HIPK1: variants seen among roughly 807,000 people sequenced by gnomAD.
HIPK1 encodes the protein homeodomain-interacting protein kinase 1.
A neutral mutation model predicts 117.1 loss-of-function variants in HIPK1; 28 were observed. That is an observed-to-expected ratio of 0.24 (90% CI 0.18 to 0.33). HIPK1 has a LOEUF of 0.33. Ranked by LOEUF, HIPK1 falls within the 10% of genes least tolerant of loss-of-function variation. HIPK1 has a pLI of 1.00. For synonymous variants in HIPK1, 605 were observed against 562.5 expected (o/e 1.08, Z -1.07); for missense variants, 1,122 against 1,475.1 (o/e 0.76, Z 3.92).
chr1:113,972,203 AC>A (rs1672884049), intron 15 of HIPK1: 4 of 1,068,180 alleles, frequency 3.7e-6, no homozygotes, highest in Non-Finnish European at 5.2e-6. Context: ...GGTTAGAGAA[AC>A]GTCTGGGATT....
intron 2 of HIPK1, among the ~76,000 whole-genome samples, chr1:113,952,154 G>C (rs1303478435): frequency 6.6e-6 from 1 of 151,908 alleles, no homozygotes; most frequent in African/African-American, 2.4e-5. Context: ...GGCCAAGCTG[G>C]TCTTGAACTT....
chr1:113,941,153 GCTTTCA>G lies in HIPK1; in HGVS notation c.771_776del (p.Cys257_Gln259delinsTrp). 1 of 1,614,232 alleles carries G rather than the reference GCTTTCA, an allele frequency of 6.2e-7. No homozygotes were observed. Among genetic ancestry groups the G allele is most frequent in the Non-Finnish European group, 8.5e-7 (1 of 1,180,034 alleles). Reference sequence around the variant, plus strand: ...TATAATTTTGTCCGTTCATACGAGTGCTTTCAGCATAAGAATCACACCTGCCTTGTT... The same window carrying G: ...TATAATTTTGTCCGTTCATACGAGTGGCATAAGAATCACACCTGCCTTGTT... On this transcript the variant is annotated inframe_deletion, in exon 2 of 16. Transcript: ENST00000426820. The surrounding 1 kb of genome is among the most constrained non-coding windows in gnomAD (Gnocchi z 4.9).
chr1:113,938,718 G>C (rs192878822), intron 1 of HIPK1, among the ~76,000 whole-genome samples: 50 of 151,986 alleles, frequency 3.3e-4, no homozygotes, highest in Admixed American at 2.6e-3. Flanking sequence ...AGACCACCCA[G>C]GCAACATGGT....
chr1:113,956,104 T>TTG, intron 5 of HIPK1, among the ~76,000 whole-genome samples: 1 of 135,572 alleles, frequency 7.4e-6, no homozygotes, highest in African/African-American at 2.7e-5. Flanking sequence ...AGACAGAGTC[T>TTG]CACTCTATTG....
In HIPK1 at chr1:113,974,714, A is replaced by G. The variant is rs1309830053; in HGVS notation, c.*1202A>G. 6.6e-6 allele frequency: 1 copy of G among 152,622 alleles called. No individual in the cohort carries two copies. The highest frequency in any genetic ancestry group is 2.1e-4 in the South Asian group (1 of 4,836). 9.5% of individuals were successfully genotyped at this position (152,622 alleles called of 1,614,324 possible). A position where few individuals can be genotyped will look rare whatever the true frequency, so the allele number is the denominator to read the frequency against. On this transcript the variant is annotated 3_prime_UTR_variant, in exon 16 of 16. Coordinates refer to ENST00000426820, the MANE Select transcript of HIPK1 (RefSeq NM_198268.3). ...AAATATTTTAAAAATTTATTACTGA[A>G]TTTAAAAATATTTTAGAAGTTTTGT...
chr1:113,952,139 A>T (rs1671409607), intron 2 of HIPK1, among the ~76,000 whole-genome samples: 1 of 151,848 alleles, frequency 6.6e-6, no homozygotes, highest in Admixed American at 6.6e-5. Flanking sequence ...GGGTTTCACC[A>T]TATTGGCCAA....
At position 113,962,459 on chromosome 1, in the gene HIPK1, G is replaced by A. The variant is rs746944861; in HGVS notation, c.2103+21G>A. 1.9e-6 allele frequency: 3 copies of A among 1,610,916 alleles called. No homozygotes were observed. In the South Asian group the frequency reaches 3.3e-5, roughly 18 times the overall value. ...CGCAGGTAAAAGCTAGAGCAATGTG[G>A]ATACTCAGTATTGCTAAACACTATT... On this transcript the variant is annotated intron_variant, in intron 9 of 15. Coordinates refer to ENST00000426820, the MANE Select transcript of HIPK1 (RefSeq NM_198268.3).
rs1450734423 is a variant in HIPK1 at position 113,941,635 on chromosome 1, A to C, written c.1076+176A>C. ...TTCCTATATATGACATTTATTTCTG[A>C]AATTTTATCTAGCACTGGAAAAATT... On this transcript the variant is annotated intron_variant, in intron 2 of 15. Transcript: ENST00000426820. The surrounding 1 kb of genome is among the most constrained non-coding windows in gnomAD (Gnocchi z 4.9). Among the ~76,000 whole-genome samples, 2 of 152,174 alleles carry C rather than the reference A, an allele frequency of 1.3e-5. No individual in the cohort carries two copies. Among genetic ancestry groups the C allele is most frequent in the African/African-American group, 4.8e-5 (2 of 41,440 alleles).
rs539788673 is a variant in HIPK1 at position 113,929,810 on chromosome 1, G to A, written c.-3+278G>A. 1.1e-4 allele frequency: 112 copies of A among 983,690 alleles called. No homozygotes were observed. The East Asian group carries it at 0.011, about 97-fold the overall frequency. The allele number at this position is 983,690 out of a possible 1,614,324, so 60.9% of individuals were successfully genotyped here. On this transcript the variant is annotated intron_variant, in intron 1 of 15. Coordinates refer to ENST00000426820, the MANE Select transcript of HIPK1 (RefSeq NM_198268.3). ...ACGGGCGCGGGGACGGCTCCGGGGG[G>A]CGGGGGCCGGGGCCCGGGCCGGCTC...
intron 14 of HIPK1, among the ~76,000 whole-genome samples, chr1:113,970,591 A>ACTT (rs2101496200): frequency 6.6e-6 from 1 of 152,330 alleles, no homozygotes; most frequent in African/African-American, 2.4e-5. Flanking sequence ...TTTGGAAAAC[A>ACTT]GTTATATTCT....
chr1:113,966,229 A>G lies in HIPK1; in HGVS notation c.2338A>G (p.Ile780Val), dbSNP rs772023786. Residue 780 changes from isoleucine (I) to valine (V), a missense_variant, in exon 11 of 16, where the codon ATT (isoleucine) becomes GTT (valine). Around this residue, in one of 6 missense-constraint regions of HIPK1, gnomAD observed 731 missense variants for 860.4 expected, o/e 0.85. Coordinates refer to ENST00000426820, the MANE Select transcript of HIPK1 (RefSeq NM_198268.3). ...LHNSVQPTAM[I>V]PEAMGSGQQL... Reference sequence around the variant, plus strand: ...CAACTCTGTCCAGCCCACAGCAATGATTCCAGAGGCCATGGGGAGTGGACA... The same window carrying G: ...CAACTCTGTCCAGCCCACAGCAATGGTTCCAGAGGCCATGGGGAGTGGACA... The G allele has an allele frequency of 1.2e-6, 2 of 1,614,084 alleles. No individual in the cohort carries two copies. Among genetic ancestry groups the G allele is most frequent in the Non-Finnish European group, 1.7e-6 (2 of 1,179,966 alleles).
intron 13 of HIPK1, 90 bp downstream of exon 13, chr1:113,968,738 C>T (rs746233155): frequency 2.3e-4 from 235 of 1,042,266 alleles, no homozygotes; most frequent in South Asian, 1.1e-3. Flanking sequence ...AAGAAAGGAC[C>T]GGTGGGGCAT....
Position 113,929,344 on chromosome 1 carries a change from C to T in HIPK1, c.-191C>T. 7.8e-7 allele frequency: 1 copy of T among 1,289,486 alleles called. No homozygotes were observed. Among genetic ancestry groups the T allele is most frequent in the South Asian group, 1.2e-5 (1 of 81,026 alleles). The allele number at this position is 1,289,486 out of a possible 1,614,324, so 79.9% of individuals were successfully genotyped here. A position where few individuals can be genotyped will look rare whatever the true frequency, so the allele number is the denominator to read the frequency against. ...GGGATGACATTTTACAGTTGGATCC[C>T]GTACCACCGCCAGGCACCTTTAAAT... is the stretch of plus-strand genomic sequence containing the variant. On this transcript the variant is annotated 5_prime_UTR_variant, in exon 1 of 16. Coordinates refer to ENST00000426820, the MANE Select transcript of HIPK1 (RefSeq NM_198268.3).
chr1:113,971,937 C>A lies in HIPK1; in HGVS notation c.3127C>A (p.Pro1043Thr). 1 of 1,610,636 alleles carries A rather than the reference C, an allele frequency of 6.2e-7. No homozygotes were observed. Among genetic ancestry groups the A allele is most frequent in the Non-Finnish European group, 8.5e-7 (1 of 1,178,514 alleles). ...AQRGGTSAAQ[P>T]LNLSQNQQSS... is the part of the protein sequence containing the mutation. ...ACGCGGGGGGACCAGTGCAGCACAA[C>A]CACTCAATCTTAGCCAGGTAAGTGC... Residue 1043 changes from proline to threonine, a missense_variant, in exon 15 of 16, where the codon CCA (proline) becomes ACA (threonine). By Grantham distance (38) the Pro-to-Thr change is conservative (BLOSUM62 -1). Around this residue, in one of 6 missense-constraint regions of HIPK1, gnomAD observed 731 missense variants for 860.4 expected, o/e 0.85. Transcript: ENST00000426820.
Position 113,940,596 on chromosome 1 carries a change from C to A in HIPK1, c.213C>A (p.Asp71Glu), listed in dbSNP as rs1463002409. The stretch of plus-strand genomic sequence containing the variant: ...CAAATTTCAACATCCCTGCTTACGA[C>A]CAGGGCCTCCTCCTCCCAGCTCCTG... ...QVANFNIPAYDQGLLLPAPAV... is the reference protein window; with the variant it reads ...QVANFNIPAYEQGLLLPAPAV... Residue 71 changes from aspartate to glutamate, a missense_variant, in exon 2 of 16, where the codon GAC becomes GAA. Around this residue, in one of 6 missense-constraint regions of HIPK1, gnomAD observed 192 missense variants for 234.0 expected, o/e 0.82. Coordinates refer to ENST00000426820, the MANE Select transcript of HIPK1 (RefSeq NM_198268.3). 1.2e-6 allele frequency: 2 copies of A among 1,614,194 alleles called. No individual in the cohort carries two copies. Among genetic ancestry groups the A allele is most frequent in the Admixed American group, 3.3e-5 (2 of 60,022 alleles).
rs1189520060 is a variant in HIPK1 at position 113,929,840 on chromosome 1, G to T, written c.-3+308G>T. 1.9e-5 allele frequency: 19 copies of T among 987,432 alleles called. No homozygotes were observed. The East Asian group carries it at 6.8e-4, about 35-fold the overall frequency. 61.2% of individuals were successfully genotyped at this position (987,432 alleles called of 1,614,324 possible). On this transcript the variant is annotated intron_variant, in intron 1 of 15. Transcript: ENST00000426820. ...GGCCGGGGCCCGGGCCGGCTCGCGC[G>T]GGGGGTATGATGACCCGGCTGCGGG...
At chr1:113,960,976 A>T (rs1253793417) in intron 8 of HIPK1, among the ~76,000 whole-genome samples, 6 of 152,230 alleles carry the variant, frequency 3.9e-5, no homozygotes, top group Non-Finnish European at 8.8e-5. Flanking sequence ...AGTTGGTGAT[A>T]GTTGAGAAAA....
chr1:113,952,841 G>T lies in HIPK1; in HGVS notation c.1152G>T (p.Glu384Asp). 1 of 1,555,972 alleles carries T rather than the reference G, an allele frequency of 6.4e-7. No homozygotes were observed. Among genetic ancestry groups the T allele is most frequent in the Non-Finnish European group, 8.7e-7 (1 of 1,148,394 alleles). Residue 384 changes from glutamate (E) to aspartate (D), a missense_variant, in exon 3 of 16, where the codon GAG (glutamate) becomes GAT (aspartate). By Grantham distance (45) the Glu-to-Asp change is conservative (BLOSUM62 2). Coordinates refer to ENST00000426820, the MANE Select transcript of HIPK1 (RefSeq NM_198268.3). ...GGTCACTGGGCTGTGTGATAGCTGA[G>T]CTGTTCCTGGGATGGCCTCTTTATC... ...DMWSLGCVIA[E>D]LFLGWPLYPG...
At chr1:113,932,410 C>T (rs1669959816) in intron 1 of HIPK1, among the ~76,000 whole-genome samples, 1 of 149,652 alleles carries the variant, frequency 6.7e-6, no homozygotes, top group South Asian at 2.1e-4. Context: ...CAAGATCTCG[C>T]CCTGTCGCCC....
Sources: gnomAD v4.1 joint callset for allele counts (sites outside exome capture counted in the v4.1 genomes callset) on GRCh38, gnomAD v4.1.1 for gene constraint, gnomAD v4.1.1 regional missense constraint, Gnocchi (gnomAD v3.1) non-coding constraint, MANE v1.5 for transcripts, NCBI Gene and HGNC (gene_info 2026-07-23, HGNC 2026-07-21) for gene names.